PRKCA: variants seen among roughly 807,000 people sequenced by gnomAD.
PRKCA encodes protein kinase C alpha.
Under a neutral mutation model 87.0 loss-of-function variants are expected in PRKCA, and 27 were observed. That is an observed-to-expected ratio of 0.31 (90% CI 0.23 to 0.43). The LOEUF (loss-of-function observed/expected upper bound fraction) is 0.43. Among genes scored for constraint, PRKCA ranks in the 20% least tolerant of loss-of-function variants. The pLI, the probability that PRKCA is intolerant of heterozygous loss-of-function variation, is 1.00. For missense variants in PRKCA, 518 were observed against 852.3 expected, an observed-to-expected ratio of 0.61 and a Z score of 4.88; for synonymous variants, 329 against 311.1, an observed-to-expected ratio of 1.06 and a Z score of -0.61.
At chr17:66,428,425 A>C (rs1912928189) in intron 2 of PRKCA, among the ~76,000 whole-genome samples, 1 of 152,220 alleles carries the variant, frequency 6.6e-6, no homozygotes, top group Non-Finnish European at 1.5e-5. Context: ...ATCACATTAG[A>C]ATTCAAGGGA....
chr17:66,595,034 C>G (rs1292041179), intron 3 of PRKCA, among the ~76,000 whole-genome samples: 1 of 152,172 alleles, frequency 6.6e-6, no homozygotes, highest in Non-Finnish European at 1.5e-5. Flanking sequence ...CCTTCCATCC[C>G]ATGACTCCCT....
chr17:66,552,344 T>C (rs1885212007), intron 3 of PRKCA, among the ~76,000 whole-genome samples: 1 of 152,204 alleles, frequency 6.6e-6, no homozygotes, highest in South Asian at 2.1e-4. Context: ...ATATAACAAA[T>C]GTCCCTAAAA....
chr17:66,400,462 C>T (rs1484234314), intron 2 of PRKCA, among the ~76,000 whole-genome samples: 1 of 152,182 alleles, frequency 6.6e-6, no homozygotes, highest in East Asian at 1.9e-4. Flanking sequence ...TAACTATAGT[C>T]ACCTTTTGAA....
At chr17:66,509,174 G>GTA (rs1411413050) in intron 3 of PRKCA, among the ~76,000 whole-genome samples, 112 of 121,102 alleles carry the variant, frequency 9.2e-4, no homozygotes, top group African/African-American at 3.1e-3. Flanking sequence ...GTGTGTGTGT[G>GTA]TGTATGTGTG....
At chr17:66,404,270 T>C (rs1357326888) in intron 2 of PRKCA, 1 of 152,210 alleles carries the variant, frequency 6.6e-6, no homozygotes, top group Non-Finnish European at 1.5e-5. Flanking sequence ...AGTTTTCACT[T>C]TGTCTTGCTA....
At chr17:66,347,229 A>G (rs1907435341) in intron 2 of PRKCA, among the ~76,000 whole-genome samples, 1 of 152,148 alleles carries the variant, frequency 6.6e-6, no homozygotes, top group Non-Finnish European at 1.5e-5. Context: ...CTAACAAAAA[A>G]AATTTAGTGG....
chr17:66,639,206 A>G (rs535623815), intron 3 of PRKCA: 5 of 152,242 alleles, frequency 3.3e-5, no homozygotes, highest in Non-Finnish European at 7.3e-5. Flanking sequence ...ACTTAATAGG[A>G]ATGAGTCCTG....
chr17:66,651,410 T>A (rs1971588620), intron 5 of PRKCA, among the ~76,000 whole-genome samples: 2 of 152,200 alleles, frequency 1.3e-5, no homozygotes, highest in Non-Finnish European at 2.9e-5. Flanking sequence ...TAGCCTGAAC[T>A]CTACACATCA....
At chr17:66,357,087 C>G (rs542405765) in intron 2 of PRKCA, among the ~76,000 whole-genome samples, 1 of 152,296 alleles carries the variant, frequency 6.6e-6, no homozygotes, top group African/African-American at 2.4e-5. Context: ...GTCCAGAAAT[C>G]TTGTCTTTTG....
At chr17:66,348,003 C>T (rs1459415972) in intron 2 of PRKCA, among the ~76,000 whole-genome samples, 1 of 123,844 alleles carries the variant, frequency 8.1e-6, no homozygotes, top group African/African-American at 3.0e-5. Flanking sequence ...GTGCAGTGGC[C>T]CAGTCTTAGC....
chr17:66,408,332 A>T lies in PRKCA; in HGVS notation c.206-87869A>T, dbSNP rs369915038. Reference sequence around the variant, plus strand: ...ATATTTCATTGACTGTTAATTAATTAGTACCTTTGTAATGGTATAATTTAG... The same window carrying T: ...ATATTTCATTGACTGTTAATTAATTTGTACCTTTGTAATGGTATAATTTAG... On this transcript the variant is annotated intron_variant, in intron 2 of 16. Transcript: ENST00000413366. Among the ~76,000 whole-genome samples the T allele has an allele frequency of 7.6e-4, 116 of 152,362 alleles. 2 individuals are homozygous for T. In the South Asian group the frequency reaches 0.019, roughly 25 times the overall value.
chr17:66,635,006 G>A (rs1971113865), intron 3 of PRKCA, among the ~76,000 whole-genome samples: 1 of 152,238 alleles, frequency 6.6e-6, no homozygotes, highest in Non-Finnish European at 1.5e-5. Flanking sequence ...GTCAGATGAA[G>A]GAGAGAAATT....
At chr17:66,548,911 A>G (rs540093260) in intron 3 of PRKCA, among the ~76,000 whole-genome samples, 15 of 151,880 alleles carry the variant, frequency 9.9e-5, no homozygotes, top group Non-Finnish European at 1.8e-4. Flanking sequence ...GGGCTCAAGC[A>G]ATCTTCCTGC....
chr17:66,568,570 C>A (rs1393439051), intron 3 of PRKCA, among the ~76,000 whole-genome samples: 1 of 151,848 alleles, frequency 6.6e-6, no homozygotes, highest in Non-Finnish European at 1.5e-5. Flanking sequence ...ACAGCTCATT[C>A]GTATAGCTGG....
At chr17:66,578,588 C>A (rs550688637) in intron 3 of PRKCA, among the ~76,000 whole-genome samples, 23 of 152,272 alleles carry the variant, frequency 1.5e-4, no homozygotes, top group Admixed American at 1.2e-3. Flanking sequence ...CAAACCACCC[C>A]CTCCTCTGAG....
At chr17:66,587,897 A>ATG (rs1969670070) in intron 3 of PRKCA, among the ~76,000 whole-genome samples, 6 of 35,066 alleles carry the variant, frequency 1.7e-4, no homozygotes, top group African/African-American at 4.5e-4. Flanking sequence ...GTGTGTGTGT[A>ATG]TATATATATA....
intron 16 of PRKCA, among the ~76,000 whole-genome samples, chr17:66,795,700 G>C (rs1039363854): frequency 3.3e-5 from 5 of 152,204 alleles, no homozygotes; most frequent in Non-Finnish European, 5.9e-5. Flanking sequence ...TGTATGAATT[G>C]ACAGGTTTCC....
At chr17:66,396,679 A>C (rs1256034534) in intron 2 of PRKCA, among the ~76,000 whole-genome samples, 1 of 136,870 alleles carries the variant, frequency 7.3e-6, no homozygotes, top group Non-Finnish European at 1.5e-5. Flanking sequence ...CCCAGACTGG[A>C]GTACAGTGGC....
At chr17:66,760,572 T>C (rs1974660199) in intron 13 of PRKCA, among the ~76,000 whole-genome samples, 1 of 151,702 alleles carries the variant, frequency 6.6e-6, no homozygotes, top group Non-Finnish European at 1.5e-5. Flanking sequence ...AAATAGAAAA[T>C]AGAAAACAGG....
Sources: gnomAD v4.1 joint callset for allele counts (sites outside exome capture counted in the v4.1 genomes callset) on GRCh38, gnomAD v4.1.1 for gene constraint, MANE v1.5 for transcripts, NCBI Gene and HGNC (gene_info 2026-07-23, HGNC 2026-07-21) for gene names.